NR3C1: variants seen among roughly 807,000 people sequenced by gnomAD.
The protein encoded by NR3C1 is nuclear receptor subfamily 3 group C member 1.
Under a neutral mutation model 74.0 loss-of-function variants are expected in NR3C1, and 14 were observed. The observed-to-expected ratio is 0.19, with a 90% CI of 0.12 to 0.30. The LOEUF (loss-of-function observed/expected upper bound fraction) is 0.30. Ranked by LOEUF, NR3C1 falls within the 10% of genes least tolerant of loss-of-function variation. The pLI is 1.00. For missense variants in NR3C1, 695 were observed against 909.8 expected, an observed-to-expected ratio of 0.76 and a Z score of 3.04; for synonymous variants, 308 against 332.5, an observed-to-expected ratio of 0.93 and a Z score of 0.80.
intron 4 of NR3C1, 44 bp downstream of exon 4, chr5:143,310,053 A>G (rs976309044): frequency 7.1e-7 from 1 of 1,404,790 alleles, no homozygotes; most frequent in Non-Finnish European, 1.0e-6. Context: ...ATAAATTTTT[A>G]TAAGCTACAG....
At chr5:143,350,409 G>A (rs575750713) in intron 2 of NR3C1, among the ~76,000 whole-genome samples, 2 of 152,198 alleles carry the variant, frequency 1.3e-5, no homozygotes, top group South Asian at 2.1e-4. Context: ...CACAGAGAGG[G>A]GAAAAGGGTA....
intron 2 of NR3C1, among the ~76,000 whole-genome samples, chr5:143,354,918 G>A (rs534301332): frequency 5.0e-4 from 67 of 134,510 alleles, no homozygotes; most frequent in African/African-American, 1.8e-3. Flanking sequence ...GCAAAAGTCC[G>A]TCTCAAAAAA....
At position 143,307,281 on chromosome 5, in the gene NR3C1, T is replaced by C. The variant is rs961924738; in HGVS notation, c.1468+2816A>G. Among the ~76,000 whole-genome samples, 7 of 152,124 alleles carry C rather than the reference T, an allele frequency of 4.6e-5. No homozygotes were observed. In the East Asian group the frequency reaches 9.6e-4, roughly 21 times the overall value. On this transcript the variant is annotated intron_variant, in intron 4 of 8. Coordinates refer to ENST00000394464, the MANE Select transcript of NR3C1 (RefSeq NM_000176.3). ...GAAATGGCAGTGATGGTATAATTAA[T>C]AGAAAAATCAGATGTCAGTCACTGC...
intron 7 of NR3C1, among the ~76,000 whole-genome samples, chr5:143,284,136 T>C (rs574134781): frequency 2.4e-4 from 37 of 152,152 alleles, no homozygotes; most frequent in African/African-American, 6.3e-4. Context: ...CTGGAGTGCA[T>C]TGGCATGATC....
chr5:143,426,208 C>G (rs139612120), intron 1 of NR3C1, among the ~76,000 whole-genome samples: 3 of 151,996 alleles, frequency 2.0e-5, no homozygotes, highest in African/African-American at 7.3e-5. Flanking sequence ...AATTAGTGGT[C>G]GCCAGGGGGC....
chr5:143,341,082 A>C (rs1162548286), intron 2 of NR3C1, among the ~76,000 whole-genome samples: 1 of 152,208 alleles, frequency 6.6e-6, no homozygotes, highest in Non-Finnish European at 1.5e-5. Flanking sequence ...CTTCTTTCAG[A>C]GGTTTGATAA....
chr5:143,326,833 G>A (rs10482653), intron 2 of NR3C1, among the ~76,000 whole-genome samples: 2,305 of 152,240 alleles, frequency 0.015, 29 homozygotes, highest in Non-Finnish European at 0.024. Flanking sequence ...GTCAATAGAA[G>A]TTGAGTGAAT....
At chr5:143,378,024 A>G (rs535526279) in intron 2 of NR3C1, among the ~76,000 whole-genome samples, 1 of 152,096 alleles carries the variant, frequency 6.6e-6, no homozygotes, top group Admixed American at 6.6e-5. Context: ...CTGAGACCAG[A>G]GCATCAACTG....
chr5:143,330,730 T>C (rs1425273788), intron 2 of NR3C1, among the ~76,000 whole-genome samples: 2 of 152,330 alleles, frequency 1.3e-5, no homozygotes, highest in Admixed American at 1.3e-4. Context: ...AGTCATTACT[T>C]AAAATTTTAA....
intron 1 of NR3C1, among the ~76,000 whole-genome samples, chr5:143,420,701 GC>G (rs1280692427): frequency 6.6e-6 from 1 of 152,030 alleles, no homozygotes; most frequent in Non-Finnish European, 1.5e-5. Flanking sequence ...GCATAGCACA[GC>G]CCCCCACAAC....
intron 1 of NR3C1, among the ~76,000 whole-genome samples, chr5:143,413,028 A>G (rs1841348817): frequency 6.6e-6 from 1 of 152,224 alleles, no homozygotes; most frequent in Non-Finnish European, 1.5e-5. Context: ...ACAAAATACA[A>G]TTCCTTCAAC....
At chr5:143,403,092 C>T (rs1840655250) in intron 1 of NR3C1, 119 bp downstream of exon 1, 1 of 812,500 alleles carries the variant, frequency 1.2e-6, no homozygotes, top group African/African-American at 1.9e-5. Flanking sequence ...CCCCCACCCC[C>T]ACTCCCCGAG....
At chr5:143,354,088 C>A (rs1396348253) in intron 2 of NR3C1, among the ~76,000 whole-genome samples, 1 of 152,230 alleles carries the variant, frequency 6.6e-6, no homozygotes, top group African/African-American at 2.4e-5. Flanking sequence ...ATCAACCGAC[C>A]TCTGCTAGCT....
Position 143,415,913 on chromosome 5 carries a change from G to A in NR3C1, c.-13-15061C>T, listed in dbSNP as rs140977881. On this transcript the variant is annotated intron_variant, in intron 1 of 8. Coordinates refer to the NR3C1 transcript ENST00000343796. ...GACATTCTAGAAAAAATCAATTAGA[G>A]CAGTAGTCATGGATGGCTATGCAGG... is the stretch of plus-strand genomic sequence containing the variant. Among the ~76,000 whole-genome samples, 972 of 152,276 alleles carry A rather than the reference G, an allele frequency of 6.4e-3. 3 individuals are homozygous for A. Among genetic ancestry groups the A allele is most frequent in the Non-Finnish European group, 0.011 (718 of 68,018 alleles).
chr5:143,378,921 T>C (rs1835700796), intron 2 of NR3C1, among the ~76,000 whole-genome samples: 1 of 152,146 alleles, frequency 6.6e-6, no homozygotes, highest in Admixed American at 6.5e-5. Flanking sequence ...CCAGTGTGTA[T>C]AGGATGGACT....
At chr5:143,338,696 A>G (rs72801070) in intron 2 of NR3C1, among the ~76,000 whole-genome samples, 19,650 of 152,250 alleles carry the variant, frequency 0.13, 1,472 homozygotes, top group Middle Eastern at 0.3. Flanking sequence ...AAAAAAATTA[A>G]AAGTTTACAA....
At chr5:143,433,391 A>G (rs1600695774) in intron 1 of NR3C1, among the ~76,000 whole-genome samples, 1 of 117,452 alleles carries the variant, frequency 8.5e-6, no homozygotes, top group Non-Finnish European at 1.8e-5. Context: ...AACAGCACTA[A>G]ATATATATAT....
chr5:143,335,161 A>T (rs1000053290), intron 2 of NR3C1, among the ~76,000 whole-genome samples: 1 of 152,216 alleles, frequency 6.6e-6, no homozygotes. Context: ...TCAAGAAATC[A>T]CATCATACAC....
chr5:143,317,201 G>A (rs1561550565), intron 2 of NR3C1, among the ~76,000 whole-genome samples: 1 of 152,138 alleles, frequency 6.6e-6, no homozygotes, highest in Non-Finnish European at 1.5e-5. Context: ...TTGCAAGTTT[G>A]ATATTGTTAA....
Sources: gnomAD v4.1 joint callset for allele counts (sites outside exome capture counted in the v4.1 genomes callset) on GRCh38, gnomAD v4.1.1 for gene constraint, MANE v1.5 for transcripts, NCBI Gene and HGNC (gene_info 2026-07-23, HGNC 2026-07-21) for gene names.